RBM14: variants seen among roughly 807,000 people sequenced by gnomAD.
RBM14 encodes RNA binding motif protein 14, also known as RNA-binding protein 14.
Under a neutral mutation model 52.8 loss-of-function variants are expected in RBM14, and 5 were observed. The ratio of observed to expected loss-of-function variants is 0.09; its 90% CI spans 0.05 to 0.20. RBM14 has a LOEUF of 0.20. RBM14 is among the 10% of genes least tolerant of loss of function. The pLI is 1.00. For synonymous variants in RBM14, 411 were observed against 401.8 expected (o/e 1.02, Z -0.28); for missense variants, 780 against 926.6 (o/e 0.84, Z 2.05).
chr11:66,618,294 G>C (rs1350508102), intron 1 of RBM14, among the ~76,000 whole-genome samples: 1 of 152,104 alleles, frequency 6.6e-6, no homozygotes, highest in African/African-American at 2.4e-5. Context: ...CCCTGTGTGA[G>C]AAGTTTCAGG....
At chr11:66,623,770 G>A (rs1027849831) in intron 1 of RBM14, 3 of 658,614 alleles carry the variant, frequency 4.6e-6, no homozygotes, top group Non-Finnish European at 8.5e-6. Context: ...GTCATTTCCA[G>A]TGTTTGAGAG....
At position 66,624,568 on chromosome 11, in the gene RBM14, C is replaced by G; in HGVS notation, c.692C>G (p.Thr231Arg). ...CGAGCCTCTTATGTGGCTCCTCTGA[C>G]GGCCCAGCCAGCTACCTACCGGGCC... ...PPRASYVAPLTAQPATYRAQP... is the reference protein window; with the variant it reads ...PPRASYVAPLRAQPATYRAQP... Residue 231 changes from threonine to arginine, a missense_variant, in exon 2 of 3, where the codon ACG becomes AGG. Around this residue, in one of 4 missense-constraint regions of RBM14, gnomAD observed 675 missense variants for 697.3 expected, o/e 0.97. Transcript: ENST00000310137. The surrounding 1 kb of genome is among the most constrained non-coding windows in gnomAD (Gnocchi z 4.7). 3 of 1,612,536 alleles carry G rather than the reference C, an allele frequency of 1.9e-6. No individual in the cohort carries two copies. Among genetic ancestry groups the G allele is most frequent in the Non-Finnish European group, 2.5e-6 (3 of 1,180,016 alleles).
At chr11:66,618,907 G>A (rs931106243) in intron 1 of RBM14, 1 of 251,452 alleles carries the variant, frequency 4.0e-6, no homozygotes, top group East Asian at 8.4e-5. Flanking sequence ...ACTCCTGGCT[G>A]ACTCCTTGTG....
At position 66,626,484 on chromosome 11, in the gene RBM14, C is replaced by G; in HGVS notation, c.1826C>G (p.Ala609Gly). Reference sequence around the variant, plus strand: ...AGGTATGGTTCCGACCGGCGTTTAGCCGAGCTCTCTGATTACCGCCGTTTA... The same window carrying G: ...AGGTATGGTTCCGACCGGCGTTTAGGCGAGCTCTCTGATTACCGCCGTTTA... ...SKRYGSDRRL[A>G]ELSDYRRLSE... The change falls in exon 3 of 3, where the codon GCC (alanine) becomes GGC (glycine). Residue 609 changes from alanine (A) to glycine (G), a missense_variant. Physicochemically the swap from Ala to Gly is moderately conservative, Grantham distance 60. Coordinates refer to ENST00000310137, the MANE Select transcript of RBM14 (RefSeq NM_006328.4). The G allele has an allele frequency of 1.2e-6, 2 of 1,613,708 alleles. No individual in the cohort carries two copies. The highest frequency in any genetic ancestry group is 1.7e-6 in the Non-Finnish European group (2 of 1,179,950).
In RBM14 at chr11:66,628,968, C is replaced by T. The variant is rs1937934738; in HGVS notation, c.*2300C>T. ...GCCCAGATGAGCTCTGCCTGCTTGT[C>T]ATCTTTAGGTCCTGCTGCCCCTGCT... On this transcript the variant is annotated 3_prime_UTR_variant, in exon 3 of 3. Transcript: ENST00000310137. 6.6e-6 allele frequency among the ~76,000 whole-genome samples: 1 copy of T among 152,210 alleles called. No homozygotes were observed. The highest frequency in any genetic ancestry group is 2.4e-5 in the African/African-American group (1 of 41,450).
chr11:66,621,349 G>A (rs1859100917), intron 1 of RBM14, among the ~76,000 whole-genome samples: 1 of 151,930 alleles, frequency 6.6e-6, no homozygotes, highest in Non-Finnish European at 1.5e-5. Context: ...CCATGGGAGT[G>A]TTGAGGACAG....
chr11:66,623,838 A>G (rs1438679331), intron 1 of RBM14: 1 of 714,618 alleles, frequency 1.4e-6, no homozygotes. Context: ...GGTTGAGAAC[A>G]CTGAAGAACT....
At position 66,629,176 on chromosome 11, in the gene RBM14, A is replaced by G. The variant is rs1937944257; in HGVS notation, c.*2508A>G. Among the ~76,000 whole-genome samples the G allele has an allele frequency of 6.6e-6, 1 of 152,140 alleles. No homozygotes were observed. Among genetic ancestry groups the G allele is most frequent in the South Asian group, 2.1e-4 (1 of 4,822 alleles). ...TGGATTACTGATTTCAAGTTCTATA[A>G]CTTGGGGAAAGTTAGGTTGAGTGAA... On this transcript the variant is annotated 3_prime_UTR_variant, in exon 3 of 3. Coordinates refer to ENST00000310137, the MANE Select transcript of RBM14 (RefSeq NM_006328.4).
rs956690112 is a variant in RBM14 at position 66,629,277 on chromosome 11, T to C, written c.*2609T>C. Among the ~76,000 whole-genome samples the C allele has an allele frequency of 6.6e-6, 1 of 152,256 alleles. No homozygotes were observed. Among genetic ancestry groups the C allele is most frequent in the African/African-American group, 2.4e-5 (1 of 41,470 alleles). ...TCAGATTATTCAGCTTCTCCACCTA[T>C]CACCTCTACAACTTGGCCTTCATTG... On this transcript the variant is annotated 3_prime_UTR_variant, in exon 3 of 3. Coordinates refer to ENST00000310137, the MANE Select transcript of RBM14 (RefSeq NM_006328.4).
At position 66,625,688 on chromosome 11, in the gene RBM14, G is replaced by T. The variant is rs755285276; in HGVS notation, c.1802+10G>T. 3.2e-6 allele frequency: 5 copies of T among 1,565,044 alleles called. No individual in the cohort carries two copies. Among genetic ancestry groups the T allele is most frequent in the South Asian group, 1.2e-5 (1 of 86,408 alleles). On this transcript the variant is annotated intron_variant, in intron 2 of 2. Coordinates refer to ENST00000310137, the MANE Select transcript of RBM14 (RefSeq NM_006328.4). This position sits in a 1 kb window ranked among gnomAD's most constrained non-coding sequence, Gnocchi z 4.2. The stretch of plus-strand genomic sequence containing the variant: ...TCGCCATGTCGAAAAGGTACTGTAT[G>T]CCCCCCCGCCTCTGCCCCCAGCTGG...
Position 66,622,530 on chromosome 11 carries a change from G to C in RBM14, c.338-1684G>C, listed in dbSNP as rs1176223332. Among the ~76,000 whole-genome samples the C allele has an allele frequency of 6.6e-5, 10 of 152,302 alleles. No homozygotes were observed. The East Asian group carries it at 1.7e-3, about 26-fold the overall frequency. On this transcript the variant is annotated intron_variant, in intron 1 of 2. Coordinates refer to ENST00000310137, the MANE Select transcript of RBM14 (RefSeq NM_006328.4). ...ATGAGCCCCTGTACCTGCCTAAATG[G>C]TAAGTTTCCTAAGATCTTATAACAA... is the stretch of plus-strand genomic sequence containing the variant.
chr11:66,625,429 C>T lies in RBM14; in HGVS notation c.1553C>T (p.Thr518Ile), dbSNP rs1240190870. Residue 518 changes from threonine to isoleucine, a missense_variant, in exon 2 of 3, where the codon ACT (threonine) becomes ATT (isoleucine). Thr to Ile is a moderately conservative substitution (Grantham distance 89, BLOSUM62 -1). Around this residue, in one of 4 missense-constraint regions of RBM14, gnomAD observed 675 missense variants for 697.3 expected, o/e 0.97. Transcript: ENST00000310137. This position sits in a 1 kb window ranked among gnomAD's most constrained non-coding sequence, Gnocchi z 4.2. ...PSATLAAPYR[T>I]QSSASLAASY... ...GCCACCCTGGCAGCTCCTTACCGCACTCAGTCATCAGCCTCATTGGCTGCT... is the reference window on the plus strand; with the variant it reads ...GCCACCCTGGCAGCTCCTTACCGCATTCAGTCATCAGCCTCATTGGCTGCT... 5 of 1,613,788 alleles carry T rather than the reference C, an allele frequency of 3.1e-6. No homozygotes were observed. The highest frequency in any genetic ancestry group is 1.3e-5 in the African/African-American group (1 of 75,054).
chr11:66,618,256 A>G (rs532799285), intron 1 of RBM14, among the ~76,000 whole-genome samples: 9 of 151,668 alleles, frequency 5.9e-5, no homozygotes, highest in Non-Finnish European at 1.3e-4. Flanking sequence ...CTGATGCCCT[A>G]CTCCTGGTGG....
chr11:66,624,951 C>T lies in RBM14; in HGVS notation c.1075C>T (p.Arg359Cys), dbSNP rs1937717946. Residue 359 changes from arginine (R) to cysteine (C), a missense_variant, in exon 2 of 3, where the codon CGT becomes TGT. Physicochemically the swap from Arg to Cys is radical, Grantham distance 180. Coordinates refer to ENST00000310137, the MANE Select transcript of RBM14 (RefSeq NM_006328.4). The surrounding 1 kb of genome is among the most constrained non-coding windows in gnomAD (Gnocchi z 4.7). ...CCAGGCTGCCTCTTCCTATGGGGTT[C>T]GTGCAGCTGCTTCTTCCTACAACAC... ...GAQAASSYGV[R>C]AAASSYNTQG... 1.2e-6 allele frequency: 2 copies of T among 1,613,950 alleles called. No homozygotes were observed. The highest frequency in any genetic ancestry group is 1.7e-6 in the Non-Finnish European group (2 of 1,179,950).
In RBM14 at chr11:66,625,805, TC is replaced by T; in HGVS notation, c.1802+129del. ...TTCTCTTCTCTATTTTTGTGGGATGTCCAGAGGCCGAGGGGAGCAGTGTCTA... is the reference window on the plus strand; with the variant it reads ...TTCTCTTCTCTATTTTTGTGGGATGTCAGAGGCCGAGGGGAGCAGTGTCTA... On this transcript the variant is annotated intron_variant, in intron 2 of 2. Coordinates refer to ENST00000310137, the MANE Select transcript of RBM14 (RefSeq NM_006328.4). The surrounding 1 kb of genome is among the most constrained non-coding windows in gnomAD (Gnocchi z 4.2). 2 of 752,166 alleles carry T rather than the reference TC, an allele frequency of 2.7e-6. No individual in the cohort carries two copies. The highest frequency in any genetic ancestry group is 4.2e-6 in the Non-Finnish European group (2 of 475,602). 46.6% of individuals were successfully genotyped at this position (752,166 alleles called of 1,614,324 possible). A position where few individuals can be genotyped will look rare whatever the true frequency, so the allele number is the denominator to read the frequency against.
At position 66,622,205 on chromosome 11, in the gene RBM14, C is replaced by T. The variant is rs117326443; in HGVS notation, c.338-2009C>T. ...TGTTGGGATTACATGCGTGAGCCAC[C>T]GTGCTTGGCTAGTTTCTTTTCTTTT... On this transcript the variant is annotated intron_variant, in intron 1 of 2. Coordinates refer to ENST00000310137, the MANE Select transcript of RBM14 (RefSeq NM_006328.4). Among the ~76,000 whole-genome samples, 105 of 151,354 alleles carry T rather than the reference C, an allele frequency of 6.9e-4. 2 individuals are homozygous for T. The East Asian group carries it at 0.02, about 28-fold the overall frequency.
rs1408879018 is a variant in RBM14, at chr11:66,629,169, T to C, written c.*2501T>C. ...TGCTTTGTGGATTACTGATTTCAAG[T>C]TCTATAACTTGGGGAAAGTTAGGTT... On this transcript the variant is annotated 3_prime_UTR_variant, in exon 3 of 3. Transcript: ENST00000310137. Among the ~76,000 whole-genome samples, 1 of 152,250 alleles carries C rather than the reference T, an allele frequency of 6.6e-6. No homozygotes were observed. The highest frequency in any genetic ancestry group is 1.5e-5 in the Non-Finnish European group (1 of 68,044).
chr11:66,621,879 G>A (rs1238664272), intron 1 of RBM14, among the ~76,000 whole-genome samples: 1 of 152,166 alleles, frequency 6.6e-6, no homozygotes, highest in Admixed American at 6.5e-5. Context: ...TTTGAGGTAG[G>A]TAGGATAGAT....
chr11:66,624,963 T>G lies in RBM14; in HGVS notation c.1087T>G (p.Ser363Ala), dbSNP rs148119991. Residue 363 changes from serine (S) to alanine (A), a missense_variant, in exon 2 of 3, where the codon TCT becomes GCT. This residue lies in a region of RBM14 where 675 missense variants were observed against 697.3 expected (regional missense o/e 0.97). Transcript: ENST00000310137. The surrounding 1 kb of genome is among the most constrained non-coding windows in gnomAD (Gnocchi z 4.7). The stretch of plus-strand genomic sequence containing the variant: ...TTCCTATGGGGTTCGTGCAGCTGCT[T>G]CTTCCTACAACACCCAGGGAGCAGC... ...ASSYGVRAAA[S>A]SYNTQGAASS... 7.2e-4 allele frequency: 1,164 copies of G among 1,613,838 alleles called. 7 individuals are homozygous for G. The highest frequency in any genetic ancestry group is 4.8e-3 in the South Asian group (438 of 91,062).
Sources: gnomAD v4.1 joint callset for allele counts (sites outside exome capture counted in the v4.1 genomes callset) on GRCh38, gnomAD v4.1.1 for gene constraint, gnomAD v4.1.1 regional missense constraint, Gnocchi (gnomAD v3.1) non-coding constraint, MANE v1.5 for transcripts, NCBI Gene and HGNC (gene_info 2026-07-23, HGNC 2026-07-21) for gene names.